CLSTN2: variants seen among roughly 807,000 people sequenced by gnomAD.
CLSTN2 encodes calsyntenin 2.
A neutral mutation model predicts 101.2 loss-of-function variants in CLSTN2; 48 were observed. That is an observed-to-expected ratio of 0.47 (90% CI 0.38 to 0.60). The LOEUF is 0.60. CLSTN2 is among the 20% of genes least tolerant of loss of function. The pLI is 0.00. For missense variants in CLSTN2, 1,160 were observed against 1,238.2 expected (o/e 0.94, Z 0.95); for synonymous variants, 481 against 463.6 (o/e 1.04, Z -0.48).
intron 1 of CLSTN2, among the ~76,000 whole-genome samples, chr3:140,130,910 G>A (rs1030029272): frequency 1.3e-5 from 2 of 152,096 alleles, no homozygotes. Flanking sequence ...TTACACCATA[G>A]TTTCCTGTTC....
chr3:140,339,366 C>T (rs2087470924), intron 2 of CLSTN2, among the ~76,000 whole-genome samples: 1 of 152,022 alleles, frequency 6.6e-6, no homozygotes, highest in Non-Finnish European at 1.5e-5. Flanking sequence ...GTATTTAGAC[C>T]AGAAGAGGCC....
chr3:140,493,533 C>A (rs372216979), intron 8 of CLSTN2, among the ~76,000 whole-genome samples: 17 of 152,276 alleles, frequency 1.1e-4, no homozygotes, highest in African/African-American at 4.1e-4. Flanking sequence ...CTGTGTATAC[C>A]TACCTTATAC....
chr3:140,050,662 C>G (rs982394927), intron 1 of CLSTN2, among the ~76,000 whole-genome samples: 1 of 152,062 alleles, frequency 6.6e-6, no homozygotes, highest in African/African-American at 2.4e-5. Context: ...TTCCTCCTGC[C>G]CTTCAGTTTT....
chr3:140,049,610 C>T lies in CLSTN2; in HGVS notation c.109+114127C>T, dbSNP rs191421366. On this transcript the variant is annotated intron_variant, in intron 1 of 16. Transcript: ENST00000458420. ...ATAGACACCTTCTGCATAGAGAGTG[C>T]CTAAGCTGGGCCATGATCTGTCTGG... is the stretch of plus-strand genomic sequence containing the variant. Among the ~76,000 whole-genome samples the T allele has an allele frequency of 1.1e-4, 16 of 152,240 alleles. No individual in the cohort carries two copies. The East Asian group carries it at 3.1e-3, about 29-fold the overall frequency.
intron 9 of CLSTN2, 127 bp downstream of exon 9, chr3:140,532,613 A>G (rs1190755082): frequency 1.5e-6 from 1 of 657,230 alleles, no homozygotes; most frequent in Admixed American, 3.4e-5. Flanking sequence ...TTACAAAAAA[A>G]AATTCAAGAC....
At chr3:140,193,261 G>GTTTTTTTTT (rs367933711) in intron 2 of CLSTN2, among the ~76,000 whole-genome samples, 7 of 87,444 alleles carry the variant, frequency 8.0e-5, no homozygotes, top group African/African-American at 1.3e-4. Context: ...CTTTTTTATA[G>GTTTTTTTTT]TTTTTTTTTT....
intron 1 of CLSTN2, among the ~76,000 whole-genome samples, chr3:140,156,108 A>T (rs181569273): frequency 1.3e-5 from 2 of 151,820 alleles, no homozygotes; most frequent in Admixed American, 1.3e-4. Context: ...ACTGTCCACT[A>T]CTCTCCTAGG....
At chr3:140,356,159 T>C (rs2087668267) in intron 2 of CLSTN2, among the ~76,000 whole-genome samples, 1 of 152,150 alleles carries the variant, frequency 6.6e-6, no homozygotes, top group African/African-American at 2.4e-5. Flanking sequence ...GGGAAGAGAC[T>C]GGCCAGCAGT....
chr3:140,427,244 T>TATATAC lies in CLSTN2; in HGVS notation c.787+5971_787+5972insTATACA, dbSNP rs371684488. On this transcript the variant is annotated intron_variant, in intron 5 of 16. Coordinates refer to ENST00000458420, the MANE Select transcript of CLSTN2 (RefSeq NM_022131.3). The stretch of plus-strand genomic sequence containing the variant: ...ATATATGTGTGTATATATATATATA[T>TATATAC]ACATATATATATACATAAATTAAAA... 7.2e-4 allele frequency among the ~76,000 whole-genome samples: 92 copies of TATATAC among 127,560 alleles called. 4 individuals are homozygous for TATATAC. The highest frequency in any genetic ancestry group is 3.1e-3 in the African/African-American group (89 of 29,124). The allele number at this position is 127,560 out of a possible 152,430, so 83.7% of individuals were successfully genotyped here. A position where few individuals can be genotyped will look rare whatever the true frequency, so the allele number is the denominator to read the frequency against.
At chr3:140,160,376 C>T (rs2010026184) in intron 1 of CLSTN2, among the ~76,000 whole-genome samples, 1 of 152,022 alleles carries the variant, frequency 6.6e-6, no homozygotes, top group Non-Finnish European at 1.5e-5. Flanking sequence ...ATTTTTTAGA[C>T]TCTCCCAACC....
chr3:140,448,816 T>C, intron 6 of CLSTN2, 112 bp downstream of exon 6: 2 of 924,028 alleles, frequency 2.2e-6, no homozygotes, highest in East Asian at 2.6e-5. Context: ...CCTGCACTGA[T>C]ATGTGTAACT....
rs189642058 is a variant in CLSTN2, at chr3:140,244,264, G to A, written c.232+68191G>A. On this transcript the variant is annotated intron_variant, in intron 2 of 16. Transcript: ENST00000458420. Reference sequence around the variant, plus strand: ...AGGAATGGAATGGGTGCAGAGAGGGGTTACCTGATTGCATGAGGGTGGGTT... The same window carrying A: ...AGGAATGGAATGGGTGCAGAGAGGGATTACCTGATTGCATGAGGGTGGGTT... Among the ~76,000 whole-genome samples the A allele has an allele frequency of 2.0e-5, 3 of 152,308 alleles. No individual in the cohort carries two copies. In the East Asian group the frequency reaches 5.8e-4, roughly 29 times the overall value.
chr3:140,409,090 G>A (rs1259672568), intron 4 of CLSTN2, among the ~76,000 whole-genome samples: 1 of 152,156 alleles, frequency 6.6e-6, no homozygotes, highest in Non-Finnish European at 1.5e-5. Flanking sequence ...ACTCCTATTG[G>A]TGGCCCCCAC....
chr3:140,064,737 A>G (rs2008269568), intron 1 of CLSTN2, among the ~76,000 whole-genome samples: 2 of 152,366 alleles, frequency 1.3e-5, no homozygotes, highest in Admixed American at 1.3e-4. Flanking sequence ...TGTATTAGAA[A>G]AGAGAATAAC....
rs137984856 is a variant in CLSTN2 at position 140,404,599 on chromosome 3, C to A, written c.470C>A (p.Ala157Asp). 45 of 1,614,066 alleles carry A rather than the reference C, an allele frequency of 2.8e-5. No individual in the cohort carries two copies. Among genetic ancestry groups the A allele is most frequent in the Non-Finnish European group, 3.6e-5 (43 of 1,180,034 alleles). Residue 157 changes from alanine to aspartate, a missense_variant, in exon 4 of 17, where the codon GCT (alanine) becomes GAT (aspartate). Ala to Asp is a moderately radical substitution (Grantham distance 126, BLOSUM62 -2). Transcript: ENST00000458420. The stretch of plus-strand genomic sequence containing the variant: ...CAGGTGAAGGATGTCAACGAGTTTG[C>A]TCCCACCTTCAAAGAGCCAGCCTAC... ...HIQVKDVNEF[A>D]PTFKEPAYKA...
At chr3:139,982,717 T>C (rs1053467499) in intron 1 of CLSTN2, among the ~76,000 whole-genome samples, 3 of 152,196 alleles carry the variant, frequency 2.0e-5, no homozygotes, top group Non-Finnish European at 4.4e-5. Context: ...AATCAGCCCT[T>C]GTTGCAGCCT....
chr3:140,333,898 T>G (rs2087414888), intron 2 of CLSTN2, among the ~76,000 whole-genome samples: 2 of 152,200 alleles, frequency 1.3e-5, no homozygotes, highest in Non-Finnish European at 2.9e-5. Context: ...CTGTTGATAC[T>G]TTTATGAGCA....
chr3:140,043,543 C>G (rs900956381), intron 1 of CLSTN2, among the ~76,000 whole-genome samples: 1 of 152,144 alleles, frequency 6.6e-6, no homozygotes, highest in African/African-American at 2.4e-5. Context: ...ATCCCATTTG[C>G]CAATTTTGGC....
intron 2 of CLSTN2, among the ~76,000 whole-genome samples, chr3:140,290,132 T>A (rs1338369367): frequency 6.6e-6 from 1 of 152,054 alleles, no homozygotes; most frequent in Non-Finnish European, 1.5e-5. Context: ...TATCTTTCTG[T>A]ATTTTTAAGA....
Sources: allele counts gnomAD v4.1 joint callset (sites outside exome capture counted in the v4.1 genomes callset), GRCh38; gene constraint gnomAD v4.1.1; transcripts MANE v1.5; gene names NCBI Gene and HGNC (gene_info 2026-07-23, HGNC 2026-07-21).